Variants in DIP2C observed in about 807,000 individuals in gnomAD.
DIP2C encodes DIP2 acetate--CoA ligase C (putative).
Under a neutral mutation model 192.4 loss-of-function variants are expected in DIP2C, and 33 were observed. That is an observed-to-expected ratio of 0.17 (90% CI 0.13 to 0.23). The LOEUF (loss-of-function observed/expected upper bound fraction) is 0.23, where lower values mean the gene tolerates loss of function less well. Ranked by LOEUF, DIP2C falls within the 10% of genes least tolerant of loss-of-function variation. DIP2C has a pLI of 1.00. For missense variants in DIP2C, 1,537 were observed against 2,110.1 expected (o/e 0.73, Z 5.32); for synonymous variants, 979 against 864.1 (o/e 1.13, Z -2.33).
Position 413,890 on chromosome 10 carries a change from CAG to C in DIP2C, c.1057+21_1057+22del, listed in dbSNP as rs367940800. 226 of 1,607,612 alleles carry C rather than the reference CAG, an allele frequency of 1.4e-4. 1 individual carries two copies. The East Asian group carries it at 4.8e-3, about 34-fold the overall frequency. On this transcript the variant is annotated intron_variant, in intron 8 of 36. Coordinates refer to ENST00000280886, the MANE Select transcript of DIP2C (RefSeq NM_014974.3). ...GCTGTGCGAGGGGGTGGGCAAAGGG[CAG>C]AGAGTGAGCCTGGGGATTACCGTAA...
intron 1 of DIP2C, among the ~76,000 whole-genome samples, chr10:536,283 G>T (rs1363676997): frequency 6.6e-6 from 1 of 152,202 alleles, no homozygotes; most frequent in Non-Finnish European, 1.5e-5. Context: ...AAGGACACCA[G>T]CCATTGGGAC....
intron 3 of DIP2C, among the ~76,000 whole-genome samples, chr10:451,321 G>C (rs1466078716): frequency 1.3e-5 from 2 of 152,180 alleles, no homozygotes; most frequent in African/African-American, 4.8e-5. Context: ...TTGGAAAGAG[G>C]ACGTGGGACT....
intron 23 of DIP2C, among the ~76,000 whole-genome samples, chr10:357,522 G>C (rs1024311976): frequency 1.3e-5 from 2 of 152,220 alleles, no homozygotes; most frequent in African/African-American, 4.8e-5. Flanking sequence ...CTGCATCGCT[G>C]TGACATTTTC....
intron 1 of DIP2C, among the ~76,000 whole-genome samples, chr10:647,042 CAGT>C (rs754307178): frequency 9.2e-5 from 14 of 151,940 alleles, no homozygotes; most frequent in African/African-American, 2.7e-4. Flanking sequence ...CCACATTTGA[CAGT>C]AGGAGAGAAC....
At position 609,048 on chromosome 10, in the gene DIP2C, T is replaced by C. The variant is rs141879417; in HGVS notation, c.85+80446A>G. Among the ~76,000 whole-genome samples the C allele has an allele frequency of 5.9e-5, 9 of 151,948 alleles. No homozygotes were observed. The South Asian group carries it at 8.3e-4, about 14-fold the overall frequency. ...TTTTGTCATCACTTTACCAGTATAG[T>C]CATATAAACAAAAGGAGTATCACAA... On this transcript the variant is annotated intron_variant, in intron 1 of 36. Transcript: ENST00000280886.
chr10:669,810 A>G (rs902737092), intron 1 of DIP2C, among the ~76,000 whole-genome samples: 2 of 152,256 alleles, frequency 1.3e-5, no homozygotes, highest in Non-Finnish European at 2.9e-5. Flanking sequence ...AGCTTAAACT[A>G]GTCATGTGAT....
chr10:590,270 A>C (rs982859486), intron 1 of DIP2C, among the ~76,000 whole-genome samples: 1 of 152,244 alleles, frequency 6.6e-6, no homozygotes, highest in Non-Finnish European at 1.5e-5. Context: ...TACATGGTGC[A>C]AGGCAAAGGT....
chr10:435,405 T>G (rs1967098068), intron 4 of DIP2C, among the ~76,000 whole-genome samples: 3 of 152,216 alleles, frequency 2.0e-5, no homozygotes, highest in Non-Finnish European at 2.9e-5. Context: ...AGAACCTGGT[T>G]GAGCTTCTGA....
chr10:331,832 T>A (rs1308572304), intron 29 of DIP2C, among the ~76,000 whole-genome samples: 2 of 152,224 alleles, frequency 1.3e-5, no homozygotes, highest in African/African-American at 4.8e-5. Flanking sequence ...CCTCGAATTT[T>A]TACTCTGCTG....
intron 33 of DIP2C, among the ~76,000 whole-genome samples, chr10:287,023 G>A (rs543440430): frequency 8.3e-5 from 12 of 144,946 alleles, no homozygotes; most frequent in African/African-American, 2.8e-4. Context: ...CATCTCCACC[G>A]AATTTTCAAC....
chr10:524,243 G>C (rs1224884348), intron 1 of DIP2C, among the ~76,000 whole-genome samples: 1 of 152,202 alleles, frequency 6.6e-6, no homozygotes, highest in African/African-American at 2.4e-5. Context: ...TGAAGTGGCT[G>C]CAGAAAAACC....
chr10:502,434 G>GA (rs1845300543), intron 1 of DIP2C, among the ~76,000 whole-genome samples: 1 of 152,142 alleles, frequency 6.6e-6, no homozygotes, highest in Non-Finnish European at 1.5e-5. Flanking sequence ...CTCATAGGAC[G>GA]AAAGGCTCAT....
intron 1 of DIP2C, among the ~76,000 whole-genome samples, chr10:612,127 T>C (rs1207188015): frequency 6.6e-6 from 1 of 152,056 alleles, no homozygotes; most frequent in Admixed American, 6.6e-5. Flanking sequence ...AAACCTCGTC[T>C]CTACTAATAC....
intron 2 of DIP2C, among the ~76,000 whole-genome samples, chr10:483,711 C>A (rs956431091): frequency 6.6e-5 from 10 of 152,162 alleles, no homozygotes; most frequent in African/African-American, 1.7e-4. Context: ...CTGAGAGGGC[C>A]CAGAGAGGAG....
chr10:357,664 G>A (rs1258625539), intron 23 of DIP2C, among the ~76,000 whole-genome samples, 164 bp downstream of exon 23: 1 of 152,028 alleles, frequency 6.6e-6, no homozygotes, highest in East Asian at 1.9e-4. Context: ...GAGACTGTCG[G>A]GAAAGTCGGG....
At chr10:390,405 G>T (rs1963366195) in intron 11 of DIP2C, 32 bp from the exon 12 acceptor site, 1 of 1,596,040 alleles carries the variant, frequency 6.3e-7, no homozygotes, top group Admixed American at 1.7e-5. Context: ...CCTTTTAAAT[G>T]TTACTCTGAA....
chr10:606,537 C>T (rs1418368913), intron 1 of DIP2C, among the ~76,000 whole-genome samples: 2 of 150,166 alleles, frequency 1.3e-5, no homozygotes, highest in Non-Finnish European at 3.0e-5. Flanking sequence ...TAATTACCTG[C>T]TGTGATCCGA....
chr10:523,355 AC>A (rs1846839781), intron 1 of DIP2C, among the ~76,000 whole-genome samples: 1 of 142,864 alleles, frequency 7.0e-6, no homozygotes, highest in African/African-American at 2.6e-5. Context: ...CCCTGGAGTG[AC>A]GATGCAGGGA....
chr10:354,624 G>C (rs185795304), intron 24 of DIP2C, among the ~76,000 whole-genome samples: 1 of 152,206 alleles, frequency 6.6e-6, no homozygotes, highest in Non-Finnish European at 1.5e-5. Context: ...CAGCGTGTCA[G>C]GCAACATCAA....
Sources: gnomAD v4.1 joint callset for allele counts (sites outside exome capture counted in the v4.1 genomes callset) on GRCh38, gnomAD v4.1.1 for gene constraint, MANE v1.5 for transcripts, NCBI Gene and HGNC (gene_info 2026-07-23, HGNC 2026-07-21) for gene names.